The following SLC8A1 variants were observed in gnomAD, a reference collection of about 807,000 sequenced individuals.
The protein encoded by SLC8A1 is solute carrier family 8 member A1.
In SLC8A1, 18 loss-of-function variants were observed where a neutral mutation model predicts 68.3. That is an observed-to-expected ratio of 0.26 (90% CI 0.18 to 0.39). The LOEUF is 0.39. Among genes scored for constraint, SLC8A1 ranks in the 10% least tolerant of loss-of-function variants. The pLI is 1.00. For missense variants in SLC8A1, 985 were observed against 1,156.7 expected, an observed-to-expected ratio of 0.85 and a Z score of 2.15; for synonymous variants, 475 against 415.5, an observed-to-expected ratio of 1.14 and a Z score of -1.74.
At chr2:40,384,095 T>C (rs932544322) in intron 2 of SLC8A1, among the ~76,000 whole-genome samples, 1 of 147,956 alleles carries the variant, frequency 6.8e-6, no homozygotes, top group Admixed American at 6.6e-5. Flanking sequence ...AGCCCATCTC[T>C]ACAGTTTTTT....
intron 2 of SLC8A1, among the ~76,000 whole-genome samples, chr2:40,246,731 A>G (rs974079066): frequency 1.3e-5 from 2 of 152,206 alleles, no homozygotes; most frequent in African/African-American, 4.8e-5. Flanking sequence ...TTTCAGACTC[A>G]GGCTGTTCAT....
intron 2 of SLC8A1, among the ~76,000 whole-genome samples, chr2:40,402,502 C>T (rs901110962): frequency 5.3e-5 from 8 of 152,058 alleles, no homozygotes; most frequent in African/African-American, 1.4e-4. Flanking sequence ...GTATTTGCCC[C>T]GAATTCTTTC....
intron 2 of SLC8A1, among the ~76,000 whole-genome samples, chr2:40,199,018 G>C (rs780755581): frequency 6.6e-6 from 1 of 151,252 alleles, no homozygotes; most frequent in Non-Finnish European, 1.5e-5. Flanking sequence ...CTTGATGGAA[G>C]GCATTATATT....
At chr2:40,270,129 C>T (rs887639617) in intron 2 of SLC8A1, among the ~76,000 whole-genome samples, 18 of 152,104 alleles carry the variant, frequency 1.2e-4, no homozygotes, top group African/African-American at 4.1e-4. Flanking sequence ...GGCATAAAGC[C>T]CCAGAATGAC....
intron 2 of SLC8A1, among the ~76,000 whole-genome samples, chr2:40,407,685 C>T (rs1314212686): frequency 6.6e-6 from 1 of 152,094 alleles, no homozygotes; most frequent in Admixed American, 6.6e-5. Context: ...AATTTCTTTC[C>T]AAAAAGACAT....
chr2:40,416,883 A>G (rs1357940278), intron 2 of SLC8A1, among the ~76,000 whole-genome samples: 2 of 151,998 alleles, frequency 1.3e-5, no homozygotes, highest in Non-Finnish European at 1.5e-5. Context: ...ACCTAATAGA[A>G]GCCTCCTATC....
At chr2:40,404,436 A>T (rs904855144) in intron 2 of SLC8A1, among the ~76,000 whole-genome samples, 3 of 152,336 alleles carry the variant, frequency 2.0e-5, no homozygotes, top group Middle Eastern at 3.4e-3. Context: ...TTTGCAATAG[A>T]TATGGTAATT....
chr2:40,246,349 C>G (rs1187821078), intron 2 of SLC8A1, among the ~76,000 whole-genome samples: 4 of 152,206 alleles, frequency 2.6e-5, no homozygotes. Context: ...TGGGTTTACC[C>G]TGCAATCATG....
rs1452006644 is a variant in SLC8A1 at position 40,337,277 on chromosome 2, G to C, written c.1808+91196C>G. 3 of 317,668 alleles carry C rather than the reference G, an allele frequency of 9.4e-6. No individual in the cohort carries two copies. In the East Asian group the frequency reaches 2.3e-4, roughly 25 times the overall value. 19.7% of individuals were successfully genotyped at this position (317,668 alleles called of 1,614,324 possible). A position where few individuals can be genotyped will look rare whatever the true frequency, so the allele number is the denominator to read the frequency against. ...TACATCAAATGTAGTATTTTCTTAGGTATAAAATTTTAGTATGTTTATGCA... is the reference window on the plus strand; with the variant it reads ...TACATCAAATGTAGTATTTTCTTAGCTATAAAATTTTAGTATGTTTATGCA... On this transcript the variant is annotated intron_variant, in intron 2 of 7. Coordinates refer to ENST00000406785, the Ensembl canonical transcript of SLC8A1.
chr2:40,415,608 A>G (rs1693564955), intron 2 of SLC8A1, among the ~76,000 whole-genome samples: 1 of 152,076 alleles, frequency 6.6e-6, no homozygotes, highest in African/African-American at 2.4e-5. Flanking sequence ...GGATGTGGGT[A>G]GGTAAAGCAA....
intron 4 of SLC8A1, 85 bp downstream of exon 7, chr2:40,170,196 G>T: frequency 8.5e-7 from 1 of 1,171,292 alleles, no homozygotes; most frequent in Non-Finnish European, 1.3e-6. Flanking sequence ...CAGAGGAGAG[G>T]GGCTAAAATG....
At chr2:40,461,047 T>G (rs1305755724) in intron 1 of SLC8A1, among the ~76,000 whole-genome samples, 1 of 152,148 alleles carries the variant, frequency 6.6e-6, no homozygotes, top group Non-Finnish European at 1.5e-5. Context: ...ATATAGCCAT[T>G]TTTTTCTTTG....
At chr2:40,153,456 G>T (rs143054458) in intron 6 of SLC8A1, among the ~76,000 whole-genome samples, 3 of 152,186 alleles carry the variant, frequency 2.0e-5, no homozygotes, top group Admixed American at 1.3e-4. Flanking sequence ...CATGTTATAT[G>T]TACTCTGTAT....
At chr2:40,402,162 G>A (rs182001120) in intron 2 of SLC8A1, among the ~76,000 whole-genome samples, 33 of 152,264 alleles carry the variant, frequency 2.2e-4, no homozygotes, top group African/African-American at 7.5e-4. Context: ...CAAGATGGTG[G>A]CGAAAGTGAC....
intron 2 of SLC8A1, among the ~76,000 whole-genome samples, chr2:40,323,163 G>C (rs967108360): frequency 3.3e-5 from 5 of 152,088 alleles, no homozygotes; most frequent in Non-Finnish European, 7.4e-5. Context: ...CGAGCTTCCA[G>C]TGTCTTTATC....
chr2:40,381,374 C>A (rs1681732396), intron 2 of SLC8A1, among the ~76,000 whole-genome samples: 1 of 152,034 alleles, frequency 6.6e-6, no homozygotes, highest in South Asian at 2.1e-4. Flanking sequence ...GTAAGTATAA[C>A]AAGATTCCTA....
intron 2 of SLC8A1, among the ~76,000 whole-genome samples, chr2:40,367,662 A>T (rs1176949483): frequency 6.6e-6 from 1 of 152,022 alleles, no homozygotes; most frequent in Non-Finnish European, 1.5e-5. Context: ...ATGCCTCCAG[A>T]CTGTCAATGA....
chr2:40,185,058 A>T (rs1321420097), intron 2 of SLC8A1, among the ~76,000 whole-genome samples: 1 of 152,214 alleles, frequency 6.6e-6, no homozygotes, highest in Admixed American at 6.5e-5. Context: ...CATCTGGGAG[A>T]TACCATGTCA....
At chr2:40,233,837 C>T (rs985201477) in intron 2 of SLC8A1, among the ~76,000 whole-genome samples, 2 of 151,644 alleles carry the variant, frequency 1.3e-5, no homozygotes, top group African/African-American at 4.9e-5. Context: ...TTCCCAGCAC[C>T]ATTTATTAAA....
Sources: gnomAD v4.1 joint callset for allele counts (sites outside exome capture counted in the v4.1 genomes callset) on GRCh38, gnomAD v4.1.1 for gene constraint, MANE v1.5 for transcripts, NCBI Gene and HGNC (gene_info 2026-07-23, HGNC 2026-07-21) for gene names.